Variants in COL23A1 observed in about 807,000 individuals in gnomAD.
COL23A1 encodes the protein collagen alpha-1(XXIII) chain.
In COL23A1, 97 loss-of-function variants were observed where a neutral mutation model predicts 99.3. The ratio of observed to expected loss-of-function variants is 0.98; its 90% CI spans 0.83 to 1.16. The LOEUF (loss-of-function observed/expected upper bound fraction) is 1.16. Among genes scored for constraint, COL23A1 ranks in the 50% most tolerant of loss-of-function variants. The pLI is 0.00. For missense variants in COL23A1, 762 were observed against 757.4 expected, an observed-to-expected ratio of 1.01 and a Z score of -0.07; for synonymous variants, 320 against 308.2, an observed-to-expected ratio of 1.04 and a Z score of -0.40.
At chr5:178,357,938 GTATGTGTGTGTATGTA>G (rs768265567) in intron 2 of COL23A1, among the ~76,000 whole-genome samples, 1 of 148,100 alleles carries the variant, frequency 6.8e-6, no homozygotes, top group Non-Finnish European at 1.5e-5. Context: ...GTATGTGTAT[GTATGTGTGTGTATGTA>G]TATGTGTGTA....
At chr5:178,249,281 G>A in intron 18 of COL23A1, 75 bp from the exon 19 acceptor site, 1 of 1,418,714 alleles carries the variant, frequency 7.0e-7, no homozygotes. Flanking sequence ...GGTCCCCAGA[G>A]CTTAGTTCAT....
intron 19 of COL23A1, among the ~76,000 whole-genome samples, chr5:178,248,676 CACT>C (rs1764846288): frequency 1.3e-5 from 2 of 152,314 alleles, no homozygotes; most frequent in Non-Finnish European, 2.9e-5. Context: ...TGCCAGCCAC[CACT>C]GTCAGCCCAG....
At chr5:178,522,652 G>A (rs1291856326) in intron 2 of COL23A1, among the ~76,000 whole-genome samples, 1 of 152,160 alleles carries the variant, frequency 6.6e-6, no homozygotes, top group African/African-American at 2.4e-5. Flanking sequence ...TGAGGACAAC[G>A]GGGACAGTGG....
chr5:178,423,137 T>C (rs1765725467), intron 2 of COL23A1, among the ~76,000 whole-genome samples: 1 of 152,070 alleles, frequency 6.6e-6, no homozygotes, highest in Non-Finnish European at 1.5e-5. Flanking sequence ...TGACTAATTT[T>C]TTAAGTTTTA....
rs545073340 is a variant in COL23A1 at position 178,558,020 on chromosome 5, C to G, written c.361+2662G>C. ...CCATCACAGCCTGGAGTTCCTGGGA[C>G]AGCATCAGCACGGTGCTGATGATCA... On this transcript the variant is annotated intron_variant, in intron 2 of 28. Transcript: ENST00000390654. 9.9e-5 allele frequency among the ~76,000 whole-genome samples: 15 copies of G among 151,664 alleles called. No homozygotes were observed. In the South Asian group the frequency reaches 1.3e-3, roughly 13 times the overall value.
At chr5:178,549,326 G>A (rs1473869133) in intron 2 of COL23A1, among the ~76,000 whole-genome samples, 1 of 151,216 alleles carries the variant, frequency 6.6e-6, no homozygotes, top group Non-Finnish European at 1.5e-5. Flanking sequence ...AAAAAATGAA[G>A]GGATAAAACA....
At chr5:178,563,488 C>T (rs907373873) in intron 1 of COL23A1, among the ~76,000 whole-genome samples, 1 of 150,780 alleles carries the variant, frequency 6.6e-6, no homozygotes. Flanking sequence ...GGGGGGCCCA[C>T]GCAAAAGCTG....
chr5:178,403,126 ATAAAT>A (rs1561940606), intron 2 of COL23A1, among the ~76,000 whole-genome samples: 1,423 of 116,902 alleles, frequency 0.012, 290 homozygotes, highest in East Asian at 0.037. Flanking sequence ...AAAAAAATAA[ATAAAT>A]AAAAAATAAA....
intron 2 of COL23A1, among the ~76,000 whole-genome samples, chr5:178,465,090 G>A (rs191676187): frequency 6.6e-6 from 1 of 152,338 alleles, no homozygotes; most frequent in East Asian, 1.9e-4. Flanking sequence ...AGCCCAGCCA[G>A]GTGGGGCCAG....
chr5:178,243,897 C>A (rs1386292151), intron 25 of COL23A1, among the ~76,000 whole-genome samples: 1 of 152,212 alleles, frequency 6.6e-6, no homozygotes, highest in Non-Finnish European at 1.5e-5. Context: ...CTCTCCCATC[C>A]CTTCCCATTG....
At chr5:178,290,448 C>T in intron 3 of COL23A1, 79 bp from the exon 4 acceptor site, 17 of 1,591,842 alleles carry the variant, frequency 1.1e-5, no homozygotes, top group Non-Finnish European at 1.5e-5. Context: ...GGTCCCCTCA[C>T]CTGTCCTCAG....
At chr5:178,292,133 G>A (rs570458306) in intron 3 of COL23A1, among the ~76,000 whole-genome samples, 5 of 152,006 alleles carry the variant, frequency 3.3e-5, no homozygotes, top group South Asian at 4.2e-4. Context: ...CCGTGCCTGC[G>A]CCTGCATCTG....
chr5:178,358,283 C>T lies in COL23A1; in HGVS notation c.362-51364G>A, dbSNP rs1054910260. ...GTATATGTGTGTATATGTGTGTATG[C>T]GTGTGCGTATATGTATGTATGTATG... On this transcript the variant is annotated intron_variant, in intron 2 of 28. Transcript: ENST00000390654. Among the ~76,000 whole-genome samples, 207 of 62,020 alleles carry T rather than the reference C, an allele frequency of 3.3e-3. 1 individual carries two copies. The highest frequency in any genetic ancestry group is 8.5e-3 in the African/African-American group (110 of 12,966). 40.7% of individuals were successfully genotyped at this position (62,020 alleles called of 152,430 possible).
intron 2 of COL23A1, among the ~76,000 whole-genome samples, chr5:178,463,688 T>C (rs1335980894): frequency 6.6e-6 from 1 of 152,212 alleles, no homozygotes; most frequent in Non-Finnish European, 1.5e-5. Context: ...TCCCCAAGGA[T>C]GCTTTCCAAA....
At chr5:178,480,063 T>TTA (rs1274522403) in intron 2 of COL23A1, among the ~76,000 whole-genome samples, 67 of 152,064 alleles carry the variant, frequency 4.4e-4, no homozygotes, top group African/African-American at 1.5e-3. Context: ...AACGATGGTA[T>TTA]TATAATTGTA....
At chr5:178,572,072 C>CAACAAAAAAAAA (rs1554199040) in intron 1 of COL23A1, among the ~76,000 whole-genome samples, 1 of 109,496 alleles carries the variant, frequency 9.1e-6, no homozygotes, top group Non-Finnish European at 1.8e-5. Flanking sequence ...TTTCTCAAAA[C>CAACAAAAAAAAA]AAAAAAAAAA....
chr5:178,461,786 A>G (rs1044731788), intron 2 of COL23A1, among the ~76,000 whole-genome samples: 1 of 152,260 alleles, frequency 6.6e-6, no homozygotes, highest in Non-Finnish European at 1.5e-5. Context: ...TATTGAGGAC[A>G]CTGGTAGGGT....
At chr5:178,326,344 C>T (rs1333176124) in intron 2 of COL23A1, among the ~76,000 whole-genome samples, 2 of 151,950 alleles carry the variant, frequency 1.3e-5, no homozygotes, top group East Asian at 3.9e-4. Context: ...ATTTACCCTC[C>T]ATGAAAGCCA....
At chr5:178,388,454 T>C (rs1763789349) in intron 2 of COL23A1, among the ~76,000 whole-genome samples, 1 of 152,204 alleles carries the variant, frequency 6.6e-6, no homozygotes, top group Non-Finnish European at 1.5e-5. Flanking sequence ...GCAAGTGACT[T>C]ACATTTACTT....
Sources: gnomAD v4.1 joint callset for allele counts (sites outside exome capture counted in the v4.1 genomes callset) on GRCh38, gnomAD v4.1.1 for gene constraint, MANE v1.5 for transcripts, NCBI Gene and HGNC (gene_info 2026-07-23, HGNC 2026-07-21) for gene names.